The following CASP1 variants were observed in gnomAD, a reference collection of about 807,000 sequenced individuals.
The protein encoded by CASP1 is caspase-1.
In CASP1, 31 loss-of-function variants were observed where a neutral mutation model predicts 41.2. That is an observed-to-expected ratio of 0.75 (90% CI 0.57 to 1.02). The LOEUF (loss-of-function observed/expected upper bound fraction) is 1.02. Ranked by LOEUF, CASP1 falls within the 50% of genes least tolerant of loss-of-function variation. The probability of loss-of-function intolerance (pLI) is 0.00; values close to 1 mark genes in which losing one functional copy is unlikely to be tolerated. For missense variants in CASP1, 490 were observed against 495.7 expected, an observed-to-expected ratio of 0.99 and a Z score of 0.11; for synonymous variants, 163 against 166.5, an observed-to-expected ratio of 0.98 and a Z score of 0.16.
In CASP1 at chr11:105,030,434, T is replaced by C. The variant is rs1438139150; in HGVS notation, c.523A>G (p.Ser175Gly). The C allele has an allele frequency of 1.2e-6, 2 of 1,613,624 alleles. No individual in the cohort carries two copies. The highest frequency in any genetic ancestry group is 1.7e-5 in the Admixed American group (1 of 59,984). The change falls in exon 5 of 9, where the codon AGT becomes GGT. Residue 175 changes from serine to glycine, a missense_variant. By Grantham distance (56) the Ser-to-Gly change is moderately conservative (BLOSUM62 0). Coordinates refer to ENST00000533400, the MANE Select transcript of CASP1 (RefSeq NM_001257118.3). ...TCAGCTCCAGTTCTTCTAGGAATAC[T>C]GTCAAATTCTTCATTGCAGATAATG... ...ALIICNEEFD[S>G]IPRRTGAEVD...
chr11:105,026,178 C>G lies in CASP1; in HGVS notation c.*80G>C. 5 of 892,456 alleles carry G rather than the reference C, an allele frequency of 5.6e-6. No individual in the cohort carries two copies. Among genetic ancestry groups the G allele is most frequent in the Non-Finnish European group, 9.1e-6 (5 of 547,282 alleles). 55.3% of individuals were successfully genotyped at this position (892,456 alleles called of 1,614,324 possible). A position where few individuals can be genotyped will look rare whatever the true frequency, so the allele number is the denominator to read the frequency against. ...AGAGTTCTTGACTCAAATGGACTTT[C>G]AGTACCCTTTCCTCAACCTTCCCAC... On this transcript the variant is annotated 3_prime_UTR_variant, in exon 9 of 9. Transcript: ENST00000533400.
At chr11:105,032,311 T>C (rs1206338336) in intron 3 of CASP1, among the ~76,000 whole-genome samples, 1 of 152,090 alleles carries the variant, frequency 6.6e-6, no homozygotes, top group East Asian at 1.9e-4. Flanking sequence ...AGAAAAAAAC[T>C]AGAAGTAGTT....
In CASP1 at chr11:105,034,323, C is replaced by T. The variant is rs1163668658; in HGVS notation, c.159G>A (p.Lys53=). The change falls in exon 2 of 9, where the codon AAG becomes AAA. Residue 53 remains lysine (K), a synonymous_variant. Coordinates refer to ENST00000533400, the MANE Select transcript of CASP1 (RefSeq NM_001257118.3). ...VKRENATVMD[K]TRALIDSVIP... ...TAACGGAGTCAATCAAAGCTCGGGT[C>T]TTATCCATAACTGTAGCATTTTCAC... is the stretch of plus-strand genomic sequence containing the variant. 2 of 1,614,030 alleles carry T rather than the reference C, an allele frequency of 1.2e-6. No individual in the cohort carries two copies. The highest frequency in any genetic ancestry group is 2.7e-5 in the African/African-American group (2 of 74,920).
At chr11:105,030,225 A>T in intron 5 of CASP1, 105 bp downstream of exon 5, 1 of 985,944 alleles carries the variant, frequency 1.0e-6, no homozygotes, top group Non-Finnish European at 1.5e-6. Flanking sequence ...TTTGTATTTT[A>T]GATTATCAAG....
At position 105,026,091 on chromosome 11, in the gene CASP1, T is replaced by C; in HGVS notation, c.*167A>G. ...ATATCATGTGGGCGCTCACACAGTG[T>C]TGGATTTTAGAGCATTTCAAAATTC... is the stretch of plus-strand genomic sequence containing the variant. On this transcript the variant is annotated 3_prime_UTR_variant, in exon 9 of 9. Transcript: ENST00000533400. 1 of 532,058 alleles carries C rather than the reference T, an allele frequency of 1.9e-6. No individual in the cohort carries two copies. Among genetic ancestry groups the C allele is most frequent in the Non-Finnish European group, 3.4e-6 (1 of 297,806 alleles). 33.0% of individuals were successfully genotyped at this position (532,058 alleles called of 1,614,324 possible).
intron 7 of CASP1, 152 bp from the exon 8 acceptor site, chr11:105,027,103 T>C: frequency 1.5e-6 from 1 of 679,542 alleles, no homozygotes. Flanking sequence ...GGGGAGTGAT[T>C]GGGATTTGGA....
chr11:105,029,983 AG>A (rs1565223509), intron 5 of CASP1, 84 bp from the exon 6 acceptor site: 6 of 1,060,860 alleles, frequency 5.7e-6, no homozygotes. Flanking sequence ...ATACTTAAGG[AG>A]TTTCTTAAGG....
Position 105,025,630 on chromosome 11 carries a change from A to T in CASP1, c.*628T>A, listed in dbSNP as rs1863221690. ...GAGAAAAAGAAATAATTAAAAAAAAAAACATAGGAAAGAATTTTGTTAAAG... is the reference window on the plus strand; with the variant it reads ...GAGAAAAAGAAATAATTAAAAAAAATAACATAGGAAAGAATTTTGTTAAAG... On this transcript the variant is annotated 3_prime_UTR_variant, in exon 9 of 9. Coordinates refer to ENST00000533400, the MANE Select transcript of CASP1 (RefSeq NM_001257118.3). 7.6e-6 allele frequency: 3 copies of T among 393,972 alleles called. No homozygotes were observed. Among genetic ancestry groups the T allele is most frequent in the South Asian group, 5.7e-5 (3 of 52,398 alleles). The allele number at this position is 393,972 out of a possible 1,614,324, so 24.4% of individuals were successfully genotyped here.
intron 3 of CASP1, among the ~76,000 whole-genome samples, chr11:105,031,633 C>A: frequency 6.6e-6 from 1 of 152,112 alleles, no homozygotes; most frequent in Non-Finnish European, 1.5e-5. Flanking sequence ...AAACTTTTTT[C>A]AAAATATTCA....
Position 105,026,859 on chromosome 11 carries a change from C to G in CASP1, c.1099G>C (p.Glu367Gln), listed in dbSNP as rs1863325708. Residue 367 changes from glutamate to glutamine, a missense_variant, in exon 8 of 9, where the codon GAG becomes CAG. By Grantham distance (29) the Glu-to-Gln change is conservative. Coordinates refer to ENST00000533400, the MANE Select transcript of CASP1 (RefSeq NM_001257118.3). ...CATCTTACCTTGCGGAAAATTTCCTCCACATCACAGGAACAGGCATATTCT... is the reference window on the plus strand; with the variant it reads ...CATCTTACCTTGCGGAAAATTTCCTGCACATCACAGGAACAGGCATATTCT... The part of the protein sequence containing the change: ...MQEYACSCDV[E>Q]EIFRKVRFSF... The G allele has an allele frequency of 1.3e-6, 2 of 1,599,876 alleles. No individual in the cohort carries two copies. Among genetic ancestry groups the G allele is most frequent in the African/African-American group, 1.3e-5 (1 of 74,704 alleles).
chr11:105,025,519 C>G lies in CASP1; in HGVS notation c.*739G>C, dbSNP rs1016511886. On this transcript the variant is annotated 3_prime_UTR_variant, in exon 9 of 9. Coordinates refer to ENST00000533400, the MANE Select transcript of CASP1 (RefSeq NM_001257118.3). ...AAAATGAGGACAAGTTTTCATTTTT[C>G]TACCAGATTTATTATTTCAAAAAAG... The G allele has an allele frequency of 1.2e-5, 5 of 414,570 alleles. No homozygotes were observed. Among genetic ancestry groups the G allele is most frequent in the Admixed American group, 6.6e-5 (2 of 30,292 alleles). 25.7% of individuals were successfully genotyped at this position (414,570 alleles called of 1,614,324 possible). A position where few individuals can be genotyped will look rare whatever the true frequency, so the allele number is the denominator to read the frequency against.
downstream of CASP1, chr11:105,025,456 A>T (rs1863204321): frequency 5.5e-6 from 2 of 366,496 alleles, no homozygotes; most frequent in Admixed American, 8.2e-5. Context: ...TTCCTTAGTC[A>T]CTCTAAGTTC....
intron 7 of CASP1, chr11:105,027,301 G>A: frequency 2.5e-6 from 1 of 394,882 alleles, no homozygotes; most frequent in Non-Finnish European, 4.5e-6. Flanking sequence ...AGTCTACATG[G>A]GGTAATTATA....
intron 5 of CASP1, 41 bp from the exon 6 acceptor site, chr11:105,029,940 A>G (rs1328634981): frequency 7.4e-7 from 1 of 1,351,154 alleles, no homozygotes; most frequent in African/African-American, 1.4e-5. Flanking sequence ...TATGTAATTA[A>G]CTATCATGGT....
At chr11:105,035,259 C>A, upstream of CASP1, 3 of 1,112,692 alleles carry the variant, frequency 2.7e-6, no homozygotes, top group South Asian at 2.6e-5. Flanking sequence ...AGAATCAGAA[C>A]TGTAGCCTGC....
At position 105,033,146 on chromosome 11, in the gene CASP1, A is replaced by G; in HGVS notation, c.275-20T>C. The G allele has an allele frequency of 7.0e-7, 1 of 1,435,794 alleles. No individual in the cohort carries two copies. Among genetic ancestry groups the G allele is most frequent in the South Asian group, 1.2e-5 (1 of 86,176 alleles). The allele number at this position is 1,435,794 out of a possible 1,614,324, so 88.9% of individuals were successfully genotyped here. On this transcript the variant is annotated intron_variant, in intron 2 of 8. Coordinates refer to ENST00000533400, the MANE Select transcript of CASP1 (RefSeq NM_001257118.3). ...TTTGATCTATGAAAAGATAAAGGGT[A>G]TTGAAGTAGTCACTTATCATCTCTG...
rs539595 is a variant in CASP1, at chr11:105,034,320, G to A, written c.162C>T (p.Thr54=). ...GAATAACGGAGTCAATCAAAGCTCG[G>A]GTCTTATCCATAACTGTAGCATTTT... ...KRENATVMDK[T]RALIDSVIPK... The change falls in exon 2 of 9, where the codon ACC becomes ACT. Residue 54 remains threonine, a synonymous_variant. Coordinates refer to ENST00000533400, the MANE Select transcript of CASP1 (RefSeq NM_001257118.3). 0.17 allele frequency: 268,267 copies of A among 1,612,014 alleles called. 22,571 individuals carry two copies. Among genetic ancestry groups the A allele is most frequent in the Admixed American group, 0.3 (18,194 of 59,880 alleles).
At chr11:105,026,402 T>C in intron 8 of CASP1, 46 bp from the exon 9 acceptor site, 1 of 1,309,192 alleles carries the variant, frequency 7.6e-7, no homozygotes, top group Non-Finnish European at 1.1e-6. Flanking sequence ...TGCTGAGTTT[T>C]TTTTTTCAAG....
At chr11:105,027,086 G>T in intron 7 of CASP1, 135 bp from the exon 8 acceptor site, 1 of 698,764 alleles carries the variant, frequency 1.4e-6, no homozygotes, top group Non-Finnish European at 2.6e-6. Flanking sequence ...AGGCGGAATG[G>T]GGTAGAGGGG....
Sources: gnomAD v4.1 joint callset for allele counts (sites outside exome capture counted in the v4.1 genomes callset) on GRCh38, gnomAD v4.1.1 for gene constraint, MANE v1.5 for transcripts, NCBI Gene and HGNC (gene_info 2026-07-23, HGNC 2026-07-21) for gene names.